DIAPH2: variants seen among roughly 807,000 people sequenced by gnomAD.
DIAPH2 encodes protein diaphanous homolog 2.
A neutral mutation model predicts 92.7 loss-of-function variants in DIAPH2; 35 were observed. That is an observed-to-expected ratio of 0.38 (90% confidence interval 0.29 to 0.50). DIAPH2 has a LOEUF of 0.50. Ranked by LOEUF, DIAPH2 falls within the 20% of genes least tolerant of loss-of-function variation. The pLI, the probability that DIAPH2 is intolerant of heterozygous loss-of-function variation, is 0.94. For synonymous variants in DIAPH2, 301 were observed against 280.4 expected (o/e 1.07, Z -0.73); for missense variants, 701 against 819.5 (o/e 0.86, Z 1.77).
chrX:97,265,396 G>T (rs1176176091), intron 23 of DIAPH2, among the ~76,000 whole-genome samples: 2 of 111,819 alleles, frequency 1.8e-5, no homozygotes, highest in Admixed American at 9.5e-5. Flanking sequence ...TGAGGTGCCT[G>T]CTCTCATGGA....
chrX:96,999,473 C>T (rs1211000577), intron 17 of DIAPH2, among the ~76,000 whole-genome samples: 1 of 94,275 alleles, frequency 1.1e-5, no homozygotes, highest in Non-Finnish European at 2.1e-5. Context: ...TGCACTCCAG[C>T]CTGGGTGAAA....
chrX:97,560,885 C>T lies in DIAPH2; in HGVS notation c.3242-38368C>T, dbSNP rs749928470. On this transcript the variant is annotated intron_variant, in intron 26 of 26. Transcript: ENST00000324765. ...GTCCAGCTCCAATTATACTGCATAT[C>T]CTAGAATGGACCATTACATTAACAA... 1.2e-3 allele frequency among the ~76,000 whole-genome samples: 132 copies of T among 112,484 alleles called. 1 individual carries two copies. In the Admixed American group the frequency reaches 0.012, roughly 10 times the overall value.
chrX:97,185,333 A>ATATATATATATATATATATATATG, intron 22 of DIAPH2, among the ~76,000 whole-genome samples: 1 of 34,620 alleles, frequency 2.9e-5, no homozygotes, highest in Non-Finnish European at 4.5e-5. Flanking sequence ...ATGTGTATAT[A>ATATATATATATATATATATATATG]TATATATGTA....
At chrX:97,293,991 T>C (rs2068621710) in intron 23 of DIAPH2, among the ~76,000 whole-genome samples, 1 of 112,457 alleles carries the variant, frequency 8.9e-6, no homozygotes, top group Admixed American at 9.5e-5. Context: ...TATAAGCTTC[T>C]ATGTATAGGG....
chrX:97,255,239 C>G (rs2068227327), intron 23 of DIAPH2, among the ~76,000 whole-genome samples: 1 of 111,428 alleles, frequency 9.0e-6, no homozygotes, highest in African/African-American at 3.3e-5. Flanking sequence ...GCTTCCTTTT[C>G]AATCTCTCTC....
At chrX:96,724,872 G>C (rs1159942003) in intron 1 of DIAPH2, among the ~76,000 whole-genome samples, 1 of 111,939 alleles carries the variant, frequency 8.9e-6, no homozygotes, top group Non-Finnish European at 1.9e-5. Flanking sequence ...ATAAGGGTTA[G>C]TGCTTGGGTT....
intron 4 of DIAPH2, among the ~76,000 whole-genome samples, chrX:96,764,748 T>C (rs1319914509): frequency 9.0e-6 from 1 of 111,638 alleles, no homozygotes; most frequent in African/African-American, 3.3e-5. Context: ...TACTTCACAC[T>C]TTAAGAAGTA....
At position 96,757,257 on chromosome X, in the gene DIAPH2, C is replaced by G. The variant is rs139187610; in HGVS notation, c.343-897C>G. On this transcript the variant is annotated intron_variant, in intron 3 of 26. Transcript: ENST00000324765. ...GAAAAATGCCTATTCAAGTGTTTTG[C>G]TCATTTGTTACTGGACTCTTGTCTT... Among the ~76,000 whole-genome samples the G allele has an allele frequency of 1.3e-3, 140 of 111,538 alleles. 1 individual carries two copies. The highest frequency in any genetic ancestry group is 2.4e-3 in the Non-Finnish European group (125 of 53,127).
intron 23 of DIAPH2, among the ~76,000 whole-genome samples, chrX:97,260,867 G>A (rs909700319): frequency 4.5e-5 from 5 of 111,902 alleles, no homozygotes; most frequent in African/African-American, 1.6e-4. Context: ...CCCATTACTA[G>A]TTTACATAGA....
intron 22 of DIAPH2, among the ~76,000 whole-genome samples, chrX:97,161,409 GT>G (rs1319954732): frequency 1.8e-5 from 2 of 108,540 alleles, no homozygotes; most frequent in Admixed American, 9.9e-5. Flanking sequence ...TGGGTTTTTT[GT>G]TTTTTTTTCT....
Position 97,563,811 on chromosome X carries a change from G to A in DIAPH2, c.3242-35442G>A, listed in dbSNP as rs996969085. Among the ~76,000 whole-genome samples the A allele has an allele frequency of 1.4e-4, 16 of 110,354 alleles. No homozygotes were observed. In the Admixed American group the frequency reaches 1.5e-3, roughly 11 times the overall value. On this transcript the variant is annotated intron_variant, in intron 26 of 26. Transcript: ENST00000324765. ...TCAAACTTGAAAAAGGGATCTAGGA[G>A]TGACTGGTAACCATTCTGTGAAAAA...
chrX:97,093,534 A>G (rs1282543584), intron 19 of DIAPH2, among the ~76,000 whole-genome samples: 1 of 112,218 alleles, frequency 8.9e-6, no homozygotes, highest in East Asian at 2.8e-4. Flanking sequence ...CAATACTCAT[A>G]GTCATTAATT....
chrX:96,926,387 A>G (rs1375954132), intron 9 of DIAPH2, among the ~76,000 whole-genome samples: 1 of 111,804 alleles, frequency 8.9e-6, no homozygotes, highest in Non-Finnish European at 1.9e-5. Flanking sequence ...TTCACTTACT[A>G]TATTTTAATT....
intron 23 of DIAPH2, among the ~76,000 whole-genome samples, chrX:97,329,732 G>GT (rs1275921358): frequency 1.8e-5 from 2 of 110,772 alleles, no homozygotes; most frequent in African/African-American, 6.6e-5. Context: ...CTTTTCTCTT[G>GT]TAGTTAATAC....
intron 26 of DIAPH2, among the ~76,000 whole-genome samples, chrX:97,571,969 T>TCTGA (rs1391737499): frequency 8.9e-6 from 1 of 111,967 alleles, no homozygotes; most frequent in African/African-American, 3.2e-5. Context: ...AGGCTTGTCT[T>TCTGA]CTGACTTTCT....
chrX:96,687,342 A>G (rs947350532), intron 1 of DIAPH2, among the ~76,000 whole-genome samples: 1 of 112,433 alleles, frequency 8.9e-6, no homozygotes, highest in African/African-American at 3.2e-5. Context: ...CAGTCGCTCC[A>G]GTATAATGGA....
intron 25 of DIAPH2, among the ~76,000 whole-genome samples, chrX:97,399,986 T>C (rs2069739697): frequency 8.9e-6 from 1 of 112,380 alleles, no homozygotes; most frequent in Non-Finnish European, 1.9e-5. Context: ...TTTTCACTGA[T>C]ATTAAAGGAG....
chrX:97,303,781 G>A (rs2068725245), intron 23 of DIAPH2, among the ~76,000 whole-genome samples: 1 of 111,612 alleles, frequency 9.0e-6, no homozygotes, highest in African/African-American at 3.3e-5. Context: ...TCTATAAGGG[G>A]CTATACTATA....
intron 16 of DIAPH2, among the ~76,000 whole-genome samples, chrX:96,962,380 C>CACATATATAT (rs2065862206): frequency 3.9e-5 from 1 of 25,717 alleles, no homozygotes; most frequent in African/African-American, 1.1e-4. Flanking sequence ...TATATATATA[C>CACATATATAT]ACATATATAT....
Sources: allele counts gnomAD v4.1 joint callset (sites outside exome capture counted in the v4.1 genomes callset), GRCh38; gene constraint gnomAD v4.1.1; transcripts MANE v1.5; gene names NCBI Gene and HGNC (gene_info 2026-07-23, HGNC 2026-07-21).